MTREX: variants seen among roughly 807,000 people sequenced by gnomAD.
The protein encoded by MTREX is Mtr4 exosome RNA helicase.
Under a neutral mutation model 135.4 loss-of-function variants are expected in MTREX, and 76 were observed. That is an observed-to-expected ratio of 0.56 (90% CI 0.47 to 0.68). MTREX has a LOEUF of 0.68. Among genes scored for constraint, MTREX ranks in the 30% least tolerant of loss-of-function variants. MTREX has a pLI of 0.00. For synonymous variants in MTREX, 404 were observed against 401.6 expected, an observed-to-expected ratio of 1.01 and a Z score of -0.07; for missense variants, 920 against 1,262.1, an observed-to-expected ratio of 0.73 and a Z score of 4.11.
rs753624861 is a variant in MTREX, at chr5:55,372,791, AC to A, written c.1811-5522del. Among the ~76,000 whole-genome samples, 3 of 152,308 alleles carry A rather than the reference AC, an allele frequency of 2.0e-5. No individual in the cohort carries two copies. In the South Asian group the frequency reaches 6.2e-4, roughly 32 times the overall value. ...CAGGAAAAAACATAGGTGTGAATTT[AC>A]GTAATTTTGGATTTGGCAGTGATTT... is the stretch of plus-strand genomic sequence containing the variant. On this transcript the variant is annotated intron_variant, in intron 16 of 26. Coordinates refer to ENST00000230640, the MANE Select transcript of MTREX (RefSeq NM_015360.5).
chr5:55,413,438 G>A (rs550967090), intron 23 of MTREX, among the ~76,000 whole-genome samples: 10 of 141,064 alleles, frequency 7.1e-5, no homozygotes, highest in African/African-American at 2.6e-4. Context: ...CAGTACCTTT[G>A]TCAAAAATTT....
chr5:55,376,102 A>G (rs1011497472), intron 16 of MTREX, among the ~76,000 whole-genome samples: 6 of 152,234 alleles, frequency 3.9e-5, no homozygotes, highest in African/African-American at 1.4e-4. Context: ...TAATCCATAA[A>G]GATTTTCTGC....
chr5:55,390,207 A>C (rs1453737824), intron 19 of MTREX, among the ~76,000 whole-genome samples: 4 of 151,856 alleles, frequency 2.6e-5, no homozygotes, highest in Non-Finnish European at 5.9e-5. Flanking sequence ...GGTCCAAGTG[A>C]TTCTCCTGCC....
chr5:55,344,323 G>A (rs1749696679), intron 8 of MTREX, among the ~76,000 whole-genome samples, 199 bp from the exon 9 acceptor site: 4 of 152,122 alleles, frequency 2.6e-5, no homozygotes, highest in South Asian at 2.1e-4. Flanking sequence ...GGTAAGTTGG[G>A]AAGATGGTAG....
intron 8 of MTREX, 73 bp from the exon 9 acceptor site, chr5:55,344,449 T>C: frequency 1.1e-6 from 1 of 947,432 alleles, no homozygotes; most frequent in Non-Finnish European, 1.6e-6. Flanking sequence ...CTTAAGATCT[T>C]TTAGGTTGGA....
intron 15 of MTREX, among the ~76,000 whole-genome samples, chr5:55,364,891 A>G (rs1353778207): frequency 6.6e-6 from 1 of 152,250 alleles, no homozygotes; most frequent in Non-Finnish European, 1.5e-5. Context: ...GAAATGAGGA[A>G]GAGCAAGAGA....
In MTREX at chr5:55,344,512, C is replaced by A; in HGVS notation, c.907-10C>A. On this transcript the variant is annotated splice_polypyrimidine_tract_variant and intron_variant, in intron 8 of 26. Transcript: ENST00000230640. ...TAAAATTTTGTATGTTTAATTCTTTCTTTTTACAGCCTTGTCATGTTATTT... is the reference window on the plus strand; with the variant it reads ...TAAAATTTTGTATGTTTAATTCTTTATTTTTACAGCCTTGTCATGTTATTT... 6.3e-7 allele frequency: 1 copy of A among 1,577,322 alleles called. No individual in the cohort carries two copies. Among genetic ancestry groups the A allele is most frequent in the Non-Finnish European group, 8.7e-7 (1 of 1,148,212 alleles).
At chr5:55,330,340 T>C (rs1310444615) in intron 5 of MTREX, among the ~76,000 whole-genome samples, 1 of 152,064 alleles carries the variant, frequency 6.6e-6, no homozygotes, top group Non-Finnish European at 1.5e-5. Flanking sequence ...TCTCCCAAAG[T>C]GCTGGGCTTA....
intron 16 of MTREX, among the ~76,000 whole-genome samples, chr5:55,374,842 C>G (rs1401376058): frequency 6.6e-6 from 1 of 152,178 alleles, no homozygotes; most frequent in Non-Finnish European, 1.5e-5. Flanking sequence ...GCCTAATTAT[C>G]AGGGAACCTG....
At chr5:55,403,203 TA>T (rs200052172) in intron 21 of MTREX, among the ~76,000 whole-genome samples, 2 of 149,674 alleles carry the variant, frequency 1.3e-5, no homozygotes, top group Non-Finnish European at 3.0e-5. Context: ...CCTATCTCTT[TA>T]AAAAAAAACA....
intron 13 of MTREX, 93 bp downstream of exon 13, chr5:55,351,122 T>A: frequency 1.5e-6 from 2 of 1,360,072 alleles, no homozygotes; most frequent in Non-Finnish European, 1.9e-6. Context: ...ATATGTGTGT[T>A]TTTAACAAGG....
chr5:55,388,158 T>A lies in MTREX; in HGVS notation c.2181+56T>A. On this transcript the variant is annotated intron_variant, in intron 19 of 26. Transcript: ENST00000230640. Reference sequence around the variant, plus strand: ...CAGATATTCTGTAACTTATTTGTCATCACCAAAGTTCTCCAATGTGATGGT... The same window carrying A: ...CAGATATTCTGTAACTTATTTGTCAACACCAAAGTTCTCCAATGTGATGGT... 2.0e-6 allele frequency: 3 copies of A among 1,480,346 alleles called. No individual in the cohort carries two copies. The South Asian group carries it at 4.0e-5, about 20-fold the overall frequency. 91.7% of individuals were successfully genotyped at this position (1,480,346 alleles called of 1,614,324 possible).
In MTREX at chr5:55,327,252, G is replaced by A. The variant is rs141850549; in HGVS notation, c.340-464G>A. On this transcript the variant is annotated intron_variant, in intron 3 of 26. Transcript: ENST00000230640. Reference sequence around the variant, plus strand: ...GGGTCAAATGGTATTTCTAGTTGTAGATCCTTGAGGAATCGCCACACTGCA... The same window carrying A: ...GGGTCAAATGGTATTTCTAGTTGTAAATCCTTGAGGAATCGCCACACTGCA... Among the ~76,000 whole-genome samples the A allele has an allele frequency of 1.4e-4, 22 of 152,248 alleles. No homozygotes were observed. In the East Asian group the frequency reaches 2.7e-3, roughly 19 times the overall value.
At chr5:55,413,831 T>C (rs943508635) in intron 23 of MTREX, among the ~76,000 whole-genome samples, 4 of 152,222 alleles carry the variant, frequency 2.6e-5, no homozygotes, top group Non-Finnish European at 1.5e-5. Context: ...AGTTAAACTA[T>C]GATAAAACCC....
At position 55,312,672 on chromosome 5, in the gene MTREX, T is replaced by C. The variant is rs745593260; in HGVS notation, c.134+4525T>C. On this transcript the variant is annotated intron_variant, in intron 1 of 26. Coordinates refer to ENST00000230640, the MANE Select transcript of MTREX (RefSeq NM_015360.5). The stretch of plus-strand genomic sequence containing the variant: ...TCAATAGTTTGTTTTTCTGGCTGAA[T>C]AGTATTCTGTTTTATGCATATACCA... 7.9e-5 allele frequency among the ~76,000 whole-genome samples: 12 copies of C among 152,208 alleles called. No homozygotes were observed. The South Asian group carries it at 1.4e-3, about 18-fold the overall frequency.
In MTREX at chr5:55,346,049, T is replaced by G. The variant is rs1749727110; in HGVS notation, c.1108+853T>G. 2.0e-5 allele frequency among the ~76,000 whole-genome samples: 3 copies of G among 152,210 alleles called. No homozygotes were observed. The East Asian group carries it at 5.8e-4, about 29-fold the overall frequency. On this transcript the variant is annotated intron_variant, in intron 10 of 26. Coordinates refer to ENST00000230640, the MANE Select transcript of MTREX (RefSeq NM_015360.5). ...ATTGTATGGATATACCACATTTTGT[T>G]TCTCCATTCATCATTGGATGGACTT...
At chr5:55,358,213 G>A (rs1285746872) in intron 14 of MTREX, among the ~76,000 whole-genome samples, 5 of 152,136 alleles carry the variant, frequency 3.3e-5, no homozygotes, top group Admixed American at 3.3e-4. Context: ...CCCAGAAGCT[G>A]TCATATATTT....
In MTREX at chr5:55,405,425, A is replaced by G. The variant is rs1369700279; in HGVS notation, c.2482A>G (p.Ile828Val). ...VYTLCEKKAQ[I>V]AIDIKSAKRE... is the part of the protein sequence containing the mutation. ...TTCTTTATACTTTCATGTGCTTTAGATTGCAATAGATATTAAATCTGCAAA... is the reference window on the plus strand; with the variant it reads ...TTCTTTATACTTTCATGTGCTTTAGGTTGCAATAGATATTAAATCTGCAAA... The change falls in exon 22 of 27, where the codon ATT becomes GTT. Residue 828 changes from isoleucine to valine, a missense_variant and splice_region_variant. This residue lies in a region of MTREX where 467 missense variants were observed against 589.7 expected (regional missense o/e 0.79). Coordinates refer to ENST00000230640, the MANE Select transcript of MTREX (RefSeq NM_015360.5). 3.7e-6 allele frequency: 6 copies of G among 1,610,630 alleles called. No individual in the cohort carries two copies. Among genetic ancestry groups the G allele is most frequent in the Middle Eastern group, 1.7e-4 (1 of 6,038 alleles).
chr5:55,325,403 C>T (rs1749362126), intron 3 of MTREX, among the ~76,000 whole-genome samples: 1 of 150,100 alleles, frequency 6.7e-6, no homozygotes, highest in Non-Finnish European at 1.5e-5. Context: ...GTGATCTCGG[C>T]TCACTGCAAC....
Sources: allele counts gnomAD v4.1 joint callset (sites outside exome capture counted in the v4.1 genomes callset), GRCh38; gene constraint gnomAD v4.1.1; regional missense constraint gnomAD v4.1.1; transcripts MANE v1.5; gene names NCBI Gene and HGNC (gene_info 2026-07-23, HGNC 2026-07-21).